The following ZNF385B variants were observed in gnomAD, a reference collection of about 807,000 sequenced individuals.
The protein encoded by ZNF385B is zinc finger protein 533.
ZNF385B carries 23 observed loss-of-function variants against 39.2 expected under a neutral mutation model. That is an observed-to-expected ratio of 0.59 (90% CI 0.42 to 0.83). The LOEUF is 0.83. ZNF385B is among the 40% of genes least tolerant of loss of function. The pLI, the probability that ZNF385B is intolerant of heterozygous loss-of-function variation, is 0.00. For missense variants in ZNF385B, 552 were observed against 598.9 expected, an observed-to-expected ratio of 0.92 and a Z score of 0.82; for synonymous variants, 205 against 222.6, an observed-to-expected ratio of 0.92 and a Z score of 0.70.
In ZNF385B at chr2:179,580,947, G is replaced by C. The variant is rs561649050; in HGVS notation, c.299-35978C>G. ...AACCTGGAGTTGTGGCCTATGGAAT[G>C]TAAGAATGTCCTAGGCAAGGTTAGC... On this transcript the variant is annotated intron_variant, in intron 3 of 9. Coordinates refer to ENST00000410066, the MANE Select transcript of ZNF385B (RefSeq NM_152520.6). Among the ~76,000 whole-genome samples, 10 of 152,308 alleles carry C rather than the reference G, an allele frequency of 6.6e-5. No individual in the cohort carries two copies. The South Asian group carries it at 1.9e-3, about 28-fold the overall frequency.
intron 3 of ZNF385B, among the ~76,000 whole-genome samples, chr2:179,695,995 G>C (rs1698708110): frequency 6.6e-6 from 1 of 152,214 alleles, no homozygotes; most frequent in South Asian, 2.1e-4. Flanking sequence ...TACGCTAAAT[G>C]AAAGAAGTCA....
At chr2:179,460,740 C>T (rs74356900) in intron 6 of ZNF385B, among the ~76,000 whole-genome samples, 2,093 of 152,292 alleles carry the variant, frequency 0.014, 42 homozygotes, top group Middle Eastern at 0.037. Context: ...CAGAGGCTGA[C>T]TCAGCCACGA....
chr2:179,738,538 C>T lies in ZNF385B; in HGVS notation c.298+30965G>A, dbSNP rs1440030343. Among the ~76,000 whole-genome samples the T allele has an allele frequency of 1.6e-4, 24 of 152,160 alleles. 1 individual carries two copies. The highest frequency in any genetic ancestry group is 1.6e-3 in the Admixed American group (24 of 15,272). On this transcript the variant is annotated intron_variant, in intron 3 of 9. Transcript: ENST00000410066. The stretch of plus-strand genomic sequence containing the variant: ...CTCATATGATGAGTTTACATTTTAT[C>T]AATATTCCTACATCGTTTTTCACTA...
At chr2:179,788,202 TGCACACACACAC>T (rs1433522022) in intron 1 of ZNF385B, among the ~76,000 whole-genome samples, 3 of 152,042 alleles carry the variant, frequency 2.0e-5, no homozygotes, top group Non-Finnish European at 4.4e-5. Flanking sequence ...CACACATGCG[TGCACACACACAC>T]GCACACACAC....
At chr2:179,858,716 G>A (rs1379148857) in intron 1 of ZNF385B, among the ~76,000 whole-genome samples, 1 of 152,044 alleles carries the variant, frequency 6.6e-6, no homozygotes, top group Non-Finnish European at 1.5e-5. Context: ...AAAAAGCGGT[G>A]GGAAACTGGG....
chr2:179,564,478 C>T (rs1385463992), intron 3 of ZNF385B, among the ~76,000 whole-genome samples: 2 of 152,184 alleles, frequency 1.3e-5, no homozygotes, highest in South Asian at 4.1e-4. Flanking sequence ...CTATCAATCA[C>T]CGTCTTTCTT....
At chr2:179,480,005 AC>A (rs1172806482) in intron 6 of ZNF385B, among the ~76,000 whole-genome samples, 1 of 152,088 alleles carries the variant, frequency 6.6e-6, no homozygotes, top group African/African-American at 2.4e-5. Context: ...TGTAAACAAA[AC>A]TCTGCTGCTC....
chr2:179,528,937 G>T (rs956370958), intron 4 of ZNF385B, among the ~76,000 whole-genome samples: 4 of 152,174 alleles, frequency 2.6e-5, no homozygotes, highest in Non-Finnish European at 5.9e-5. Context: ...AATTTAAGAA[G>T]CCACTTCAAA....
intron 3 of ZNF385B, among the ~76,000 whole-genome samples, chr2:179,678,838 T>C (rs1257644452): frequency 6.6e-6 from 1 of 152,212 alleles, no homozygotes; most frequent in African/African-American, 2.4e-5. Context: ...TCCAACCTCC[T>C]ATCCCCACGG....
intron 5 of ZNF385B, among the ~76,000 whole-genome samples, chr2:179,492,275 T>C (rs1269510511): frequency 6.6e-6 from 1 of 152,176 alleles, no homozygotes; most frequent in African/African-American, 2.4e-5. Context: ...GAAAACAGAC[T>C]GCCATTGTGT....
At chr2:179,640,918 T>C (rs1235877422) in intron 3 of ZNF385B, among the ~76,000 whole-genome samples, 1 of 152,180 alleles carries the variant, frequency 6.6e-6, no homozygotes, top group African/African-American at 2.4e-5. Context: ...ACAAAATTCT[T>C]TTCTCCGATT....
At chr2:179,628,388 T>C (rs900094903) in intron 3 of ZNF385B, among the ~76,000 whole-genome samples, 1 of 152,254 alleles carries the variant, frequency 6.6e-6, no homozygotes, top group African/African-American at 2.4e-5. Context: ...TTCAGTCATT[T>C]GTCCTGTAGA....
intron 3 of ZNF385B, among the ~76,000 whole-genome samples, chr2:179,601,309 A>G (rs1688392739): frequency 6.6e-6 from 1 of 152,198 alleles, no homozygotes; most frequent in Non-Finnish European, 1.5e-5. Flanking sequence ...AAGTTCACTA[A>G]GCAAATTCTG....
chr2:179,538,334 A>C (rs1181491268), intron 4 of ZNF385B, among the ~76,000 whole-genome samples: 2 of 152,192 alleles, frequency 1.3e-5, no homozygotes, highest in African/African-American at 4.8e-5. Flanking sequence ...TTCATTAAAT[A>C]GATAAAGATA....
chr2:179,542,750 G>C (rs879588557), intron 4 of ZNF385B, among the ~76,000 whole-genome samples: 1 of 151,920 alleles, frequency 6.6e-6, no homozygotes, highest in African/African-American at 2.4e-5. Context: ...TCATATGATC[G>C]CAATTGTAAA....
intron 6 of ZNF385B, among the ~76,000 whole-genome samples, chr2:179,448,821 C>T (rs142434547): frequency 5.5e-4 from 84 of 152,176 alleles, no homozygotes; most frequent in Non-Finnish European, 1.0e-3. Flanking sequence ...TATAAAAGTA[C>T]ACAACAGTCA....
chr2:179,837,716 TAAAAG>T (rs1408741793), intron 1 of ZNF385B, among the ~76,000 whole-genome samples: 1 of 152,220 alleles, frequency 6.6e-6, no homozygotes, highest in Non-Finnish European at 1.5e-5. Context: ...TGCATGGTTT[TAAAAG>T]AAAACACTCA....
intron 3 of ZNF385B, among the ~76,000 whole-genome samples, chr2:179,625,751 T>C (rs35413867): frequency 0.26 from 39,590 of 152,098 alleles, 5,376 homozygotes; most frequent in Admixed American, 0.32. Flanking sequence ...TATACTAAAT[T>C]ATGTATGTGT....
rs138697596 is a variant in ZNF385B at position 179,685,924 on chromosome 2, A to G, written c.298+83579T>C. 1.4e-3 allele frequency among the ~76,000 whole-genome samples: 219 copies of G among 152,288 alleles called. 2 individuals carry two copies. The East Asian group carries it at 0.032, about 22-fold the overall frequency. On this transcript the variant is annotated intron_variant, in intron 3 of 9. Coordinates refer to ENST00000410066, the MANE Select transcript of ZNF385B (RefSeq NM_152520.6). Reference sequence around the variant, plus strand: ...TTAGCTGGCATCAAAGGCCAATAAGACCCAGTGTAAAGATGATATGGAAGG... The same window carrying G: ...TTAGCTGGCATCAAAGGCCAATAAGGCCCAGTGTAAAGATGATATGGAAGG...
Sources: gnomAD v4.1 joint callset for allele counts (sites outside exome capture counted in the v4.1 genomes callset) on GRCh38, gnomAD v4.1.1 for gene constraint, MANE v1.5 for transcripts, NCBI Gene and HGNC (gene_info 2026-07-23, HGNC 2026-07-21) for gene names.